Variants in ZNF732 observed in about 807,000 individuals in gnomAD.
ZNF732 encodes the protein zinc finger protein LOC654254.
ZNF732 carries 12 observed loss-of-function variants against 11.5 expected under a neutral mutation model. The ratio of observed to expected loss-of-function variants is 1.05; its 90% confidence interval spans 0.67 to 1.70. The LOEUF (loss-of-function observed/expected upper bound fraction) is 1.70. Ranked by LOEUF, ZNF732 falls within the 40% of genes most tolerant of loss-of-function variation. The pLI is 0.00. For synonymous variants in ZNF732, 231 were observed against 236.5 expected (o/e 0.98, Z 0.21); for missense variants, 702 against 676.9 (o/e 1.04, Z -0.41).
At chr4:279,469 CATTAT>C (rs1389275454) in intron 3 of ZNF732, among the ~76,000 whole-genome samples, 1 of 150,816 alleles carries the variant, frequency 6.6e-6, no homozygotes, top group African/African-American at 2.4e-5. Flanking sequence ...AACAACCAGA[CATTAT>C]ATTATATAAT....
At chr4:291,724 A>G (rs1719845730) in intron 3 of ZNF732, among the ~76,000 whole-genome samples, 1 of 152,240 alleles carries the variant, frequency 6.6e-6, no homozygotes, top group Non-Finnish European at 1.5e-5. Flanking sequence ...ACACAATTGT[A>G]AAATTTAAGT....
chr4:288,687 T>C (rs1719780906), intron 3 of ZNF732, among the ~76,000 whole-genome samples: 1 of 152,248 alleles, frequency 6.6e-6, no homozygotes, highest in South Asian at 2.1e-4. Context: ...TCTAGCTTTG[T>C]TCTTATTTTC....
chr4:283,358 C>T (rs1719655168), intron 3 of ZNF732, among the ~76,000 whole-genome samples: 1 of 151,950 alleles, frequency 6.6e-6, no homozygotes, highest in South Asian at 2.1e-4. Flanking sequence ...AAATCAACAA[C>T]ATGCTGCACA....
intron 1 of ZNF732, among the ~76,000 whole-genome samples, chr4:304,319 G>A (rs1391259283): frequency 1.3e-5 from 2 of 151,818 alleles, no homozygotes; most frequent in African/African-American, 4.8e-5. Context: ...CTCCCCGGAA[G>A]GAGACCTGGA....
rs1719385422 is a variant in ZNF732, at chr4:271,940, T to C, written c.917A>G (p.Tyr306Cys). 1 of 1,609,278 alleles carries C rather than the reference T, an allele frequency of 6.2e-7. No individual in the cohort carries two copies. The highest frequency in any genetic ancestry group is 1.1e-5 in the South Asian group (1 of 90,696). Residue 306 changes from tyrosine (Y) to cysteine (C), a missense_variant, in exon 4 of 4, where the codon TAC becomes TGC. Transcript: ENST00000419098. Reference sequence around the variant, plus strand: ...GACTTTGCCACATTCCTGACATTTGTAGAGTTTCTCTCCGGTATGAATTTT... The same window carrying C: ...GACTTTGCCACATTCCTGACATTTGCAGAGTTTCTCTCCGGTATGAATTTT... ...HKKIHTGEKL[Y>C]KCQECGKVFN... is the part of the protein sequence containing the mutation.
intron 3 of ZNF732, among the ~76,000 whole-genome samples, chr4:289,701 G>C (rs1265540108): frequency 6.6e-6 from 1 of 152,022 alleles, no homozygotes; most frequent in Non-Finnish European, 1.5e-5. Flanking sequence ...CTTTTAGATT[G>C]AACTGCAATG....
intron 3 of ZNF732, among the ~76,000 whole-genome samples, chr4:287,638 A>AAT (rs1178417579): frequency 1.5e-3 from 225 of 151,550 alleles, no homozygotes; most frequent in African/African-American, 5.2e-3. Context: ...CTGTTTGAAA[A>AAT]ATATATATAT....
At chr4:293,725 T>C (rs1719891517) in intron 3 of ZNF732, among the ~76,000 whole-genome samples, 1 of 152,158 alleles carries the variant, frequency 6.6e-6, no homozygotes, top group South Asian at 2.1e-4. Context: ...TGGTTAGCTA[T>C]TTGAGTAATA....
chr4:291,734 T>A (rs1719845870), intron 3 of ZNF732, among the ~76,000 whole-genome samples: 1 of 152,212 alleles, frequency 6.6e-6, no homozygotes, highest in African/African-American at 2.4e-5. Flanking sequence ...AAAATTTAAG[T>A]GTAACCTTAA....
Position 292,890 on chromosome 4 carries a change from C to CAAAAAAAAA in ZNF732, c.226+2539_226+2547dup, listed in dbSNP as rs34118991. On this transcript the variant is annotated intron_variant, in intron 3 of 3. Coordinates refer to ENST00000419098, the MANE Select transcript of ZNF732 (RefSeq NM_001137608.3). ...TGAAACTCTGTCTCTACTAAAAACA[C>CAAAAAAAAA]AAAAAAAAAAAAAAAAAAAAAAAAA... Among the ~76,000 whole-genome samples the CAAAAAAAAA allele has an allele frequency of 4.2e-4, 33 of 79,500 alleles. 1 individual carries two copies. The highest frequency in any genetic ancestry group is 5.7e-4 in the Non-Finnish European group (22 of 38,392). The allele number at this position is 79,500 out of a possible 152,430, so 52.2% of individuals were successfully genotyped here. A position where few individuals can be genotyped will look rare whatever the true frequency, so the allele number is the denominator to read the frequency against.
At chr4:286,672 C>A (rs1340903816) in intron 3 of ZNF732, among the ~76,000 whole-genome samples, 1 of 152,126 alleles carries the variant, frequency 6.6e-6, no homozygotes, top group Non-Finnish European at 1.5e-5. Context: ...TAATGGACAA[C>A]CTGTTAGAAT....
At position 272,166 on chromosome 4, in the gene ZNF732, T is replaced by C. The variant is rs144919218; in HGVS notation, c.691A>G (p.Ile231Val). The C allele has an allele frequency of 2.0e-3, 3,178 of 1,612,374 alleles. 7 individuals carry two copies. The highest frequency in any genetic ancestry group is 2.3e-3 in the Middle Eastern group (14 of 6,044). The part of the protein sequence containing the change: ...KPFTCEECGN[I>V]FTTSSNFAKH... Reference sequence around the variant, plus strand: ...GCAAAGTTTGAGGATGTGGTAAAGATGTTGCCACATTCTTCACATGTGAAG... The same window carrying C: ...GCAAAGTTTGAGGATGTGGTAAAGACGTTGCCACATTCTTCACATGTGAAG... The change falls in exon 4 of 4, where the codon ATC becomes GTC. Residue 231 changes from isoleucine (I) to valine (V), a missense_variant. Physicochemically the swap from Ile to Val is conservative, Grantham distance 29 (BLOSUM62 3). Around this residue, in one of 3 missense-constraint regions of ZNF732, gnomAD observed 596 missense variants for 557.9 expected, o/e 1.07. Coordinates refer to ENST00000419098, the MANE Select transcript of ZNF732 (RefSeq NM_001137608.3).
intron 3 of ZNF732, among the ~76,000 whole-genome samples, chr4:277,337 C>T (rs551453367): frequency 6.6e-6 from 1 of 151,228 alleles, no homozygotes; most frequent in Non-Finnish European, 1.5e-5. Flanking sequence ...AAACAATTAA[C>T]AAAGTGAAGA....
chr4:276,461 G>C (rs1315085533), intron 3 of ZNF732, among the ~76,000 whole-genome samples: 5 of 151,866 alleles, frequency 3.3e-5, no homozygotes, highest in Non-Finnish European at 7.4e-5. Flanking sequence ...CCATTAATCT[G>C]TCATATACAA....
intron 3 of ZNF732, among the ~76,000 whole-genome samples, chr4:286,476 A>G (rs1410401374): frequency 6.6e-6 from 1 of 152,242 alleles, no homozygotes; most frequent in African/African-American, 2.4e-5. Flanking sequence ...TTAAAAGCAG[A>G]AAAGTTTTTC....
In ZNF732 at chr4:272,625, A is replaced by G. The variant is rs559534779; in HGVS notation, c.232T>C (p.Cys78Arg). ...HETVAKHPAV[C>R]SHFTQDFLPV... ...AAAAAGTCTTGGGTGAAATGAGAAC[A>G]CACAGCTGAAAGAAATAAAAATAAA... is the stretch of plus-strand genomic sequence containing the variant. Residue 78 changes from cysteine to arginine, a missense_variant, in exon 4 of 4, where the codon TGT (cysteine) becomes CGT (arginine). Coordinates refer to ENST00000419098, the MANE Select transcript of ZNF732 (RefSeq NM_001137608.3). 2 of 1,511,038 alleles carry G rather than the reference A, an allele frequency of 1.3e-6. No homozygotes were observed. Among genetic ancestry groups the G allele is most frequent in the Non-Finnish European group, 1.8e-6 (2 of 1,133,354 alleles). The allele number at this position is 1,511,038 out of a possible 1,614,324, so 93.6% of individuals were successfully genotyped here.
At chr4:288,321 G>A (rs909218660) in intron 3 of ZNF732, among the ~76,000 whole-genome samples, 1 of 152,256 alleles carries the variant, frequency 6.6e-6, no homozygotes, top group East Asian at 1.9e-4. Flanking sequence ...ACATTGCTGA[G>A]ACCAACGTCA....
At chr4:278,684 G>A (rs1553839125) in intron 3 of ZNF732, among the ~76,000 whole-genome samples, 2 of 152,318 alleles carry the variant, frequency 1.3e-5, no homozygotes, top group East Asian at 1.9e-4. Flanking sequence ...CCTTGTGACT[G>A]GGCCTCATGC....
intron 3 of ZNF732, among the ~76,000 whole-genome samples, chr4:274,020 T>C (rs560375440): frequency 9.9e-5 from 15 of 151,894 alleles, no homozygotes; most frequent in African/African-American, 3.4e-4. Context: ...GAAAGTATCT[T>C]CCAGTGAAAA....
Sources: gnomAD v4.1 joint callset for allele counts (sites outside exome capture counted in the v4.1 genomes callset) on GRCh38, gnomAD v4.1.1 for gene constraint, gnomAD v4.1.1 regional missense constraint, MANE v1.5 for transcripts, NCBI Gene and HGNC (gene_info 2026-07-23, HGNC 2026-07-21) for gene names.